Variants in SNRPN observed in about 807,000 individuals in gnomAD.
SNRPN encodes small nuclear ribonucleoprotein-associated protein N.
Under a neutral mutation model 25.2 loss-of-function variants are expected in SNRPN, and 7 were observed. The observed-to-expected ratio is 0.28, with a 90% CI of 0.16 to 0.52. The LOEUF is 0.52. Among genes scored for constraint, SNRPN ranks in the 20% least tolerant of loss-of-function variants. SNRPN has a pLI of 0.96. For missense variants in SNRPN, 196 were observed against 322.5 expected (o/e 0.61, Z 3.00); for synonymous variants, 124 against 110.6 (o/e 1.12, Z -0.76).
chr15:24,911,626 G>A (rs956120884), intron 2 of SNRPN, among the ~76,000 whole-genome samples: 1 of 152,204 alleles, frequency 6.6e-6, no homozygotes. Context: ...CATGCATGTG[G>A]TGCTAACTGC....
intron 1 of SNRPN, among the ~76,000 whole-genome samples, chr15:24,959,312 A>G (rs2074389304): frequency 1.3e-5 from 2 of 152,178 alleles, no homozygotes; most frequent in Non-Finnish European, 1.5e-5. Flanking sequence ...TATAGATGAC[A>G]TTTTATATGT....
chr15:24,857,364 T>C (rs1363716531), intron 1 of SNRPN, among the ~76,000 whole-genome samples: 3 of 152,186 alleles, frequency 2.0e-5, no homozygotes, highest in Admixed American at 2.0e-4. Context: ...TAACCAATGA[T>C]ATAGATATAT....
chr15:24,905,700 A>G (rs911373386), intron 2 of SNRPN, among the ~76,000 whole-genome samples: 4 of 152,212 alleles, frequency 2.6e-5, no homozygotes, highest in African/African-American at 9.7e-5. Context: ...AAAATAAAAG[A>G]AAAACAAAGA....
At chr15:24,838,591 C>G (rs2051421772) in intron 2 of SNRPN, among the ~76,000 whole-genome samples, 1 of 152,068 alleles carries the variant, frequency 6.6e-6, no homozygotes, top group Admixed American at 6.5e-5. Context: ...TCTTCCCTAT[C>G]TATCAGATAA....
chr15:24,953,419 G>A (rs543235951), upstream of SNRPN, among the ~76,000 whole-genome samples: 3 of 152,258 alleles, frequency 2.0e-5, no homozygotes, highest in South Asian at 2.1e-4. Flanking sequence ...CGCCTCCCAC[G>A]TTCAAGCAAT....
intron 2 of SNRPN, among the ~76,000 whole-genome samples, chr15:24,840,958 C>T (rs1350110310): frequency 6.6e-6 from 1 of 152,130 alleles, no homozygotes; most frequent in Non-Finnish European, 1.5e-5. Context: ...TCTCCTGCCT[C>T]AGCCTCCTGA....
chr15:24,893,493 C>T (rs2057843244), intron 2 of SNRPN, among the ~76,000 whole-genome samples: 1 of 151,924 alleles, frequency 6.6e-6, no homozygotes, highest in South Asian at 2.1e-4. Flanking sequence ...TGGCATGCTC[C>T]TGTAGTCCCA....
intron 2 of SNRPN, among the ~76,000 whole-genome samples, chr15:24,888,949 G>T (rs889298357): frequency 6.6e-6 from 1 of 151,770 alleles, no homozygotes; most frequent in African/African-American, 2.4e-5. Context: ...ACAGAGTCTC[G>T]CTCTGTCACC....
At chr15:24,971,964 G>A (rs1210191001) in intron 3 of SNRPN, among the ~76,000 whole-genome samples, 2 of 152,046 alleles carry the variant, frequency 1.3e-5, no homozygotes, top group African/African-American at 4.8e-5. Flanking sequence ...CTATAAAAAT[G>A]GATATTGCTG....
intron 1 of SNRPN, among the ~76,000 whole-genome samples, chr15:24,885,402 T>C (rs1014936541): frequency 6.6e-6 from 1 of 152,234 alleles, no homozygotes; most frequent in Admixed American, 6.5e-5. Flanking sequence ...TCCTAGACAC[T>C]GCCAAATTGC....
intron 3 of SNRPN, among the ~76,000 whole-genome samples, chr15:24,933,014 C>T (rs534688486): frequency 9.9e-5 from 15 of 152,092 alleles, no homozygotes; most frequent in African/African-American, 2.2e-4. Flanking sequence ...GTAATCCCAG[C>T]GCTTTGGGAG....
At chr15:24,965,747 G>T (rs2075527233) in intron 2 of SNRPN, among the ~76,000 whole-genome samples, 1 of 152,082 alleles carries the variant, frequency 6.6e-6, no homozygotes, top group Admixed American at 6.5e-5. Context: ...TGCACTCTAT[G>T]AATTAAATTC....
At chr15:24,916,281 G>A (rs1248027460) in intron 2 of SNRPN, among the ~76,000 whole-genome samples, 1 of 152,054 alleles carries the variant, frequency 6.6e-6, no homozygotes, top group African/African-American at 2.4e-5. Context: ...ATTCTTTTAA[G>A]GAGCAATGTG....
intron 2 of SNRPN, among the ~76,000 whole-genome samples, chr15:24,888,859 A>G (rs1361942542): frequency 2.6e-5 from 4 of 152,094 alleles, no homozygotes; most frequent in Non-Finnish European, 5.9e-5. Flanking sequence ...ATCATTTACT[A>G]AGATCCTTGA....
chr15:24,883,501 A>C (rs1440883862), intron 1 of SNRPN, among the ~76,000 whole-genome samples: 2 of 151,896 alleles, frequency 1.3e-5, no homozygotes, highest in African/African-American at 4.8e-5. Flanking sequence ...TGACCACTGC[A>C]CTCCAACCTC....
chr15:24,830,657 A>T (rs1003288924), intron 2 of SNRPN, among the ~76,000 whole-genome samples: 16 of 152,208 alleles, frequency 1.1e-4, no homozygotes, highest in Admixed American at 2.6e-4. Flanking sequence ...AAATTATTTT[A>T]AAAAATTTCT....
intron 3 of SNRPN, among the ~76,000 whole-genome samples, chr15:24,941,925 G>T (rs1368902132): frequency 6.6e-6 from 1 of 152,014 alleles, no homozygotes. Flanking sequence ...GATTACAGGT[G>T]CCTGCCACTG....
intron 1 of SNRPN, among the ~76,000 whole-genome samples, chr15:24,862,907 T>C (rs2054126189): frequency 6.7e-6 from 1 of 150,312 alleles, no homozygotes; most frequent in South Asian, 2.1e-4. Context: ...CTGGGATGAA[T>C]AATATATGAG....
At chr15:24,839,029 G>A (rs978616947) in intron 2 of SNRPN, among the ~76,000 whole-genome samples, 15 of 152,004 alleles carry the variant, frequency 9.9e-5, no homozygotes, top group African/African-American at 2.4e-4. Context: ...GAATTTCACA[G>A]GAACAGCCTA....
Sources: allele counts gnomAD v4.1 joint callset (sites outside exome capture counted in the v4.1 genomes callset), GRCh38; gene constraint gnomAD v4.1.1; transcripts MANE v1.5; gene names NCBI Gene and HGNC (gene_info 2026-07-23, HGNC 2026-07-21).